Variants in MAPK10 observed in about 807,000 individuals in gnomAD.
MAPK10 encodes the protein mitogen-activated protein kinase 10, also known as JNK3 alpha protein kinase.
MAPK10 carries 25 observed loss-of-function variants against 59.3 expected under a neutral mutation model. That is an observed-to-expected ratio of 0.42 (90% CI 0.31 to 0.59). MAPK10 has a LOEUF of 0.59. MAPK10 is among the 20% of genes least tolerant of loss of function. The probability of loss-of-function intolerance (pLI) is 0.15; values close to 1 mark genes in which losing one functional copy is unlikely to be tolerated. For missense variants in MAPK10, 351 were observed against 568.9 expected (o/e 0.62, Z 3.90); for synonymous variants, 190 against 200.5 (o/e 0.95, Z 0.44).
chr4:86,227,897 A>C (rs1195106554), intron 2 of MAPK10, among the ~76,000 whole-genome samples: 1 of 152,198 alleles, frequency 6.6e-6, no homozygotes, highest in African/African-American at 2.4e-5. Flanking sequence ...ACATGCTGAC[A>C]CAAAAATGAC....
At chr4:86,486,174 A>G (rs1011142651) in intron 1 of MAPK10, among the ~76,000 whole-genome samples, 4 of 152,242 alleles carry the variant, frequency 2.6e-5, no homozygotes, top group African/African-American at 9.6e-5. Flanking sequence ...CTGTAGTCCC[A>G]GCTACTCGGG....
intron 1 of MAPK10, among the ~76,000 whole-genome samples, chr4:86,586,829 A>T (rs1054058386): frequency 2.0e-5 from 3 of 152,198 alleles, no homozygotes; most frequent in Admixed American, 2.0e-4. Context: ...AATATACAAA[A>T]GAAGTTCATT....
At chr4:86,403,213 A>T (rs538100536) in intron 1 of MAPK10, among the ~76,000 whole-genome samples, 1 of 152,242 alleles carries the variant, frequency 6.6e-6, no homozygotes, top group East Asian at 1.9e-4. Context: ...GTCCATTTTC[A>T]CACTACTATA....
chr4:86,238,156 G>C (rs1449083006), intron 2 of MAPK10, among the ~76,000 whole-genome samples: 1 of 152,104 alleles, frequency 6.6e-6, no homozygotes, highest in African/African-American at 2.4e-5. Context: ...GATGGTTGTA[G>C]GTGTGTAGTG....
At chr4:86,494,504 C>G (rs1333445716) in intron 1 of MAPK10, among the ~76,000 whole-genome samples, 1 of 152,136 alleles carries the variant, frequency 6.6e-6, no homozygotes, top group Non-Finnish European at 1.5e-5. Flanking sequence ...AGTGTGAATA[C>G]TGGGATCCAT....
At chr4:86,262,698 A>T (rs2094051581) in intron 2 of MAPK10, among the ~76,000 whole-genome samples, 1 of 152,180 alleles carries the variant, frequency 6.6e-6, no homozygotes, top group Non-Finnish European at 1.5e-5. Context: ...ATACAGTGAA[A>T]AAAGGAAGCT....
chr4:86,344,263 A>T (rs528244277), intron 2 of MAPK10, among the ~76,000 whole-genome samples: 1 of 152,256 alleles, frequency 6.6e-6, no homozygotes, highest in Non-Finnish European at 1.5e-5. Context: ...AGTAGCTGGG[A>T]CTATAGGCAC....
At chr4:86,571,109 T>G (rs1276615894) in intron 1 of MAPK10, among the ~76,000 whole-genome samples, 1 of 151,952 alleles carries the variant, frequency 6.6e-6, no homozygotes, top group Non-Finnish European at 1.5e-5. Flanking sequence ...TCAGGTTCTA[T>G]TATCTCTGTG....
At chr4:86,035,597 C>T (rs145786644) in intron 11 of MAPK10, among the ~76,000 whole-genome samples, 3 of 150,196 alleles carry the variant, frequency 2.0e-5, no homozygotes, top group African/African-American at 7.3e-5. Flanking sequence ...TGAGGGTGAA[C>T]GAAAGACACA....
chr4:86,143,844 T>C (rs2064198467), intron 4 of MAPK10, among the ~76,000 whole-genome samples: 2 of 152,180 alleles, frequency 1.3e-5, no homozygotes, highest in African/African-American at 4.8e-5. Flanking sequence ...TACACATTCT[T>C]TCAATTCTCC....
intron 4 of MAPK10, among the ~76,000 whole-genome samples, chr4:86,136,510 G>C (rs1235335545): frequency 8.0e-5 from 12 of 150,112 alleles, no homozygotes; most frequent in African/African-American, 3.0e-4. Flanking sequence ...CACCAGGCCT[G>C]CCCTAAAAGA....
chr4:86,440,528 G>T (rs915126001), intron 1 of MAPK10, among the ~76,000 whole-genome samples: 2 of 152,030 alleles, frequency 1.3e-5, no homozygotes, highest in South Asian at 2.1e-4. Flanking sequence ...CTACTTAGGA[G>T]GCTGAGGTGG....
intron 4 of MAPK10, among the ~76,000 whole-genome samples, chr4:86,141,419 G>C (rs958662779): frequency 6.6e-6 from 1 of 152,148 alleles, no homozygotes; most frequent in Non-Finnish European, 1.5e-5. Flanking sequence ...TATTCAGTGT[G>C]GGGGAGTATT....
At chr4:86,483,306 A>G (rs758254274) in intron 1 of MAPK10, among the ~76,000 whole-genome samples, 1 of 152,300 alleles carries the variant, frequency 6.6e-6, no homozygotes, top group Non-Finnish European at 1.5e-5. Flanking sequence ...GTCAGTTAAC[A>G]ACTTAACAAA....
At chr4:86,372,793 G>A (rs542856950) in intron 1 of MAPK10, among the ~76,000 whole-genome samples, 9 of 152,276 alleles carry the variant, frequency 5.9e-5, no homozygotes, top group African/African-American at 1.7e-4. Flanking sequence ...AGCACTAAAT[G>A]CCCACATCAG....
intron 1 of MAPK10, among the ~76,000 whole-genome samples, chr4:86,540,342 TACA>T (rs1758579225): frequency 6.6e-6 from 1 of 151,276 alleles, no homozygotes; most frequent in African/African-American, 2.4e-5. Context: ...GTACGAAAAA[TACA>T]ACAAATTAGC....
chr4:86,123,669 C>T (rs1010597819), intron 4 of MAPK10: 1 of 152,004 alleles, frequency 6.6e-6, no homozygotes, highest in African/African-American at 2.4e-5. Flanking sequence ...TTATTTATCA[C>T]TATTATTTTC....
At chr4:86,519,987 G>C (rs1015069772) in intron 1 of MAPK10, among the ~76,000 whole-genome samples, 4 of 152,198 alleles carry the variant, frequency 2.6e-5, no homozygotes, top group African/African-American at 9.7e-5. Context: ...GAAATCTGCT[G>C]TTAATCTGAC....
chr4:86,045,832 T>C (rs1267148479), intron 11 of MAPK10, among the ~76,000 whole-genome samples: 1 of 151,512 alleles, frequency 6.6e-6, no homozygotes, highest in Non-Finnish European at 1.5e-5. Context: ...CTTGCCTTTC[T>C]TCACTTGGAT....
Sources: gnomAD v4.1 joint callset for allele counts (sites outside exome capture counted in the v4.1 genomes callset) on GRCh38, gnomAD v4.1.1 for gene constraint, MANE v1.5 for transcripts, NCBI Gene and HGNC (gene_info 2026-07-23, HGNC 2026-07-21) for gene names.